The following PTPRD variants were observed in gnomAD, a reference collection of about 807,000 sequenced individuals.
PTPRD encodes the protein receptor-type tyrosine-protein phosphatase delta.
A neutral mutation model predicts 214.5 loss-of-function variants in PTPRD; 34 were observed. That is an observed-to-expected ratio of 0.16 (90% CI 0.12 to 0.21). The LOEUF (loss-of-function observed/expected upper bound fraction) is 0.21, where lower values mean the gene tolerates loss of function less well. Ranked by LOEUF, PTPRD falls within the 10% of genes least tolerant of loss-of-function variation. The pLI is 1.00. For synonymous variants in PTPRD, 1,128 were observed against 845.7 expected (o/e 1.33, Z -5.79); for missense variants, 2,545 against 2,398.7 (o/e 1.06, Z -1.27).
At chr9:8,949,661 A>G (rs919859) in intron 11 of PTPRD, among the ~76,000 whole-genome samples, 152,262 of 152,280 alleles carry the variant, frequency 1, 76,123 homozygotes, top group Non-Finnish European at 1. Flanking sequence ...ATGACATCTC[A>G]TCCACATAAA....
Position 10,284,449 on chromosome 9 carries a change from T to A in PTPRD, c.-545+56514A>T, listed in dbSNP as rs550416479. The stretch of plus-strand genomic sequence containing the variant: ...CATGTATGTGCATATGATATAAAAT[T>A]ATCAAAGTTGGAAAATGCTTTTATT... On this transcript the variant is annotated intron_variant, in intron 3 of 45. Transcript: ENST00000381196. Among the ~76,000 whole-genome samples the A allele has an allele frequency of 2.6e-5, 4 of 152,322 alleles. No individual in the cohort carries two copies. The South Asian group carries it at 8.3e-4, about 32-fold the overall frequency.
intron 4 of PTPRD, among the ~76,000 whole-genome samples, chr9:10,003,547 A>G (rs2096388650): frequency 6.6e-6 from 1 of 151,760 alleles, no homozygotes; most frequent in Admixed American, 6.6e-5. Context: ...TAAAGAAGAG[A>G]AAGTGCTATT....
chr9:9,302,864 C>T (rs1264197792), intron 9 of PTPRD, among the ~76,000 whole-genome samples: 5 of 151,802 alleles, frequency 3.3e-5, no homozygotes, highest in African/African-American at 9.7e-5. Context: ...TTTCTCATAG[C>T]AGTGTGATGT....
intron 3 of PTPRD, among the ~76,000 whole-genome samples, chr9:10,139,378 A>G (rs949495651): frequency 6.6e-6 from 1 of 152,114 alleles, no homozygotes. Context: ...AAAATCAGAG[A>G]TGATACAAAT....
intron 4 of PTPRD, among the ~76,000 whole-genome samples, chr9:10,015,768 T>A (rs1367109410): frequency 6.6e-6 from 1 of 152,210 alleles, no homozygotes; most frequent in Admixed American, 6.5e-5. Flanking sequence ...GCCACCATTA[T>A]CATAGTATCT....
chr9:9,563,834 C>T (rs1352541567), intron 8 of PTPRD, among the ~76,000 whole-genome samples: 2 of 152,144 alleles, frequency 1.3e-5, no homozygotes, highest in African/African-American at 2.4e-5. Flanking sequence ...CTCATATTGA[C>T]AACCAACATG....
In PTPRD at chr9:10,206,686, T is replaced by C. The variant is rs116077580; in HGVS notation, c.-545+134277A>G. Among the ~76,000 whole-genome samples the C allele has an allele frequency of 2.6e-3, 389 of 152,298 alleles. 4 individuals are homozygous for C. The highest frequency in any genetic ancestry group is 9.2e-3 in the African/African-American group (381 of 41,576). On this transcript the variant is annotated intron_variant, in intron 3 of 45. Transcript: ENST00000381196. ...AAGATAATAACCTCGGTTTTAAATATAGTTTGAATTATATTTGTGATATCT... is the reference window on the plus strand; with the variant it reads ...AAGATAATAACCTCGGTTTTAAATACAGTTTGAATTATATTTGTGATATCT...
chr9:10,020,161 C>G (rs148306693), intron 4 of PTPRD, among the ~76,000 whole-genome samples: 45 of 152,130 alleles, frequency 3.0e-4, no homozygotes, highest in African/African-American at 1.0e-3. Flanking sequence ...AAACAGGAAC[C>G]ATTTTATAAC....
intron 3 of PTPRD, among the ~76,000 whole-genome samples, chr9:10,079,426 T>C (rs2098193984): frequency 6.6e-6 from 1 of 152,042 alleles, no homozygotes; most frequent in Non-Finnish European, 1.5e-5. Flanking sequence ...GGTTGTTGTG[T>C]TTTTGTTGCT....
intron 2 of PTPRD, among the ~76,000 whole-genome samples, chr9:10,408,936 T>G (rs1587527993): frequency 6.6e-6 from 1 of 151,778 alleles, no homozygotes; most frequent in Non-Finnish European, 1.5e-5. Flanking sequence ...GCTTTGACTA[T>G]AAACCTGTTC....
chr9:10,027,585 G>A (rs1205273450), intron 4 of PTPRD, among the ~76,000 whole-genome samples: 1 of 152,100 alleles, frequency 6.6e-6, no homozygotes, highest in Non-Finnish European at 1.5e-5. Context: ...CAATATATGT[G>A]GAAGCATTTG....
At chr9:9,894,354 C>G (rs907162579) in intron 5 of PTPRD, among the ~76,000 whole-genome samples, 1 of 152,026 alleles carries the variant, frequency 6.6e-6, no homozygotes, top group Non-Finnish European at 1.5e-5. Context: ...TTTAAAGGAT[C>G]CTGAAGGCCC....
intron 10 of PTPRD, among the ~76,000 whole-genome samples, chr9:9,135,387 T>A (rs1048700450): frequency 3.9e-5 from 6 of 152,190 alleles, no homozygotes; most frequent in Admixed American, 1.3e-4. Context: ...ATTTTTTGAA[T>A]AAAACAGCCC....
At chr9:9,641,499 G>C (rs1393483014) in intron 7 of PTPRD, among the ~76,000 whole-genome samples, 4 of 152,124 alleles carry the variant, frequency 2.6e-5, no homozygotes, top group African/African-American at 7.2e-5. Context: ...GAGGCTATAG[G>C]AAAGTACCAT....
intron 3 of PTPRD, among the ~76,000 whole-genome samples, chr9:10,154,932 T>C (rs2099084129): frequency 6.6e-6 from 1 of 152,192 alleles, no homozygotes; most frequent in Non-Finnish European, 1.5e-5. Context: ...TTATTCAGCC[T>C]CTTTTTTGGT....
intron 14 of PTPRD, among the ~76,000 whole-genome samples, chr9:8,549,811 T>A (rs533666720): frequency 1.1e-4 from 16 of 152,254 alleles, no homozygotes; most frequent in South Asian, 6.2e-4. Flanking sequence ...GCCAATTTTT[T>A]AAAAATTATT....
In PTPRD at chr9:8,761,904, T is replaced by C. The variant is rs539173727; in HGVS notation, c.-103-27958A>G. On this transcript the variant is annotated intron_variant, in intron 11 of 45. Transcript: ENST00000381196. ...ACATGTGGATACAGTCTCTTATCCC[T>C]AGCTTCTCTGGTGAGCTATAAACCA... Among the ~76,000 whole-genome samples the C allele has an allele frequency of 5.9e-5, 9 of 152,264 alleles. No homozygotes were observed. The South Asian group carries it at 1.5e-3, about 25-fold the overall frequency.
In PTPRD at chr9:9,150,560, G is replaced by C. The variant is rs998515184; in HGVS notation, c.-143+32744C>G. On this transcript the variant is annotated intron_variant, in intron 10 of 45. Transcript: ENST00000381196. ...ACTGGAGTGCAATGGTGTGATTTCAGCTCAGCAAACTCCACCTTCTGGGTT... is the reference window on the plus strand; with the variant it reads ...ACTGGAGTGCAATGGTGTGATTTCACCTCAGCAAACTCCACCTTCTGGGTT... Among the ~76,000 whole-genome samples the C allele has an allele frequency of 4.6e-5, 7 of 150,574 alleles. No individual in the cohort carries two copies. The South Asian group carries it at 1.3e-3, about 27-fold the overall frequency.
chr9:8,808,523 G>A (rs553970865), intron 11 of PTPRD, among the ~76,000 whole-genome samples: 19 of 125,920 alleles, frequency 1.5e-4, no homozygotes, highest in Non-Finnish European at 2.5e-4. Context: ...TATGACTTAC[G>A]TATGCAAAAC....
Sources: allele counts gnomAD v4.1 joint callset (sites outside exome capture counted in the v4.1 genomes callset), GRCh38; gene constraint gnomAD v4.1.1; transcripts MANE v1.5; gene names NCBI Gene and HGNC (gene_info 2026-07-23, HGNC 2026-07-21).